Variants in PWP1 observed in about 807,000 individuals in gnomAD.
PWP1 encodes PWP1 homolog, endonuclein.
PWP1 carries 47 observed loss-of-function variants against 69.9 expected under a neutral mutation model. The observed-to-expected ratio is 0.67, with a 90% CI of 0.53 to 0.86. PWP1 has a LOEUF of 0.86. Among genes scored for constraint, PWP1 ranks in the 40% least tolerant of loss-of-function variants. PWP1 has a pLI of 0.00. For missense variants in PWP1, 551 were observed against 608.8 expected (o/e 0.91, Z 1.00); for synonymous variants, 222 against 208.2 (o/e 1.07, Z -0.57).
intron 7 of PWP1, among the ~76,000 whole-genome samples, chr12:107,698,106 A>C (rs565484188): frequency 1.3e-4 from 20 of 152,286 alleles, no homozygotes; most frequent in African/African-American, 4.8e-4. Flanking sequence ...TCACTCCTGT[A>C]ATCCCAGCAG....
At chr12:107,692,494 C>T (rs1346128514) in intron 3 of PWP1, among the ~76,000 whole-genome samples, 1 of 152,196 alleles carries the variant, frequency 6.6e-6, no homozygotes, top group Non-Finnish European at 1.5e-5. Flanking sequence ...GTATCACCTT[C>T]AATCATGAAT....
At position 107,712,426 on chromosome 12, in the gene PWP1, C is replaced by G; in HGVS notation, c.*206C>G. On this transcript the variant is annotated 3_prime_UTR_variant, in exon 15 of 15. Transcript: ENST00000412830. ...TGGATGGTTTGTAAGGCTCTTGTTG[C>G]ATTTCTTAAAAAAGAGTAATAAAAA... The G allele has an allele frequency of 2.4e-6, 1 of 422,668 alleles. No individual in the cohort carries two copies. Among genetic ancestry groups the G allele is most frequent in the Non-Finnish European group, 4.2e-6 (1 of 237,764 alleles). The allele number at this position is 422,668 out of a possible 1,614,324, so 26.2% of individuals were successfully genotyped here. A position where few individuals can be genotyped will look rare whatever the true frequency, so the allele number is the denominator to read the frequency against.
intron 14 of PWP1, 137 bp downstream of exon 14, chr12:107,710,647 T>G (rs1315280278): frequency 1.5e-6 from 2 of 1,362,658 alleles, no homozygotes; most frequent in Non-Finnish European, 1.9e-6. Flanking sequence ...CTCAGCCTTC[T>G]GTATAGCTGG....
At chr12:107,709,658 T>C (rs1889904853) in intron 13 of PWP1, among the ~76,000 whole-genome samples, 1 of 152,044 alleles carries the variant, frequency 6.6e-6, no homozygotes, top group Non-Finnish European at 1.5e-5. Flanking sequence ...TACTATATAG[T>C]AGGAAAAATT....
intron 11 of PWP1, among the ~76,000 whole-genome samples, chr12:107,706,545 A>AGT (rs1158978324): frequency 6.6e-6 from 1 of 152,188 alleles, no homozygotes; most frequent in Non-Finnish European, 1.5e-5. Context: ...ATTTAATTTA[A>AGT]GTCTTTAATC....
chr12:107,697,552 A>G lies in PWP1; in HGVS notation c.699A>G (p.Thr233=), dbSNP rs1889615453. ...DIVDSLEPVF[T]LGSKLSKKKK... Reference sequence around the variant, plus strand: ...TGGACTCTTTAGAGCCAGTCTTCACACTCGGAAGTAAACTTTCAAAAAAGA... The same window carrying G: ...TGGACTCTTTAGAGCCAGTCTTCACGCTCGGAAGTAAACTTTCAAAAAAGA... Residue 233 remains threonine, a synonymous_variant, in exon 7 of 15, where the codon ACA becomes ACG. Transcript: ENST00000412830. 1 of 1,608,762 alleles carries G rather than the reference A, an allele frequency of 6.2e-7. No homozygotes were observed. The highest frequency in any genetic ancestry group is 8.5e-7 in the Non-Finnish European group (1 of 1,178,256).
At chr12:107,707,857 TTC>T (rs1208227751) in intron 11 of PWP1, among the ~76,000 whole-genome samples, 1 of 152,198 alleles carries the variant, frequency 6.6e-6, no homozygotes, top group Admixed American at 6.5e-5. Context: ...TGGTCTAAAA[TTC>T]TGTTTTTTCG....
At chr12:107,686,080 T>C (rs1889357640) in intron 1 of PWP1, 109 bp downstream of exon 1, 2 of 1,217,762 alleles carry the variant, frequency 1.6e-6, no homozygotes, top group East Asian at 2.4e-5. Context: ...CTGGTGCGAC[T>C]GGCTGGGGTG....
At chr12:107,710,004 T>C (rs957517952) in intron 13 of PWP1, among the ~76,000 whole-genome samples, 27 of 152,214 alleles carry the variant, frequency 1.8e-4, no homozygotes, top group African/African-American at 6.3e-4. Flanking sequence ...TACCTATTAA[T>C]AAAAATGTAA....
In PWP1 at chr12:107,712,952, C is replaced by G. The variant is rs1210594014; in HGVS notation, c.*732C>G. 1 of 152,120 alleles carries G rather than the reference C, an allele frequency of 6.6e-6. No homozygotes were observed. The highest frequency in any genetic ancestry group is 6.5e-5 in the Admixed American group (1 of 15,272). The allele number at this position is 152,120 out of a possible 1,614,324, so 9.4% of individuals were successfully genotyped here. On this transcript the variant is annotated 3_prime_UTR_variant, in exon 15 of 15. Coordinates refer to ENST00000412830, the MANE Select transcript of PWP1 (RefSeq NM_007062.3). Reference sequence around the variant, plus strand: ...ATGAGTTTTAGTAGGCATTAAAAATCGTAATTAGTTTGATAATATGAGACC... The same window carrying G: ...ATGAGTTTTAGTAGGCATTAAAAATGGTAATTAGTTTGATAATATGAGACC...
At chr12:107,696,661 T>C in intron 6 of PWP1, 77 bp downstream of exon 6, 1 of 1,578,996 alleles carries the variant, frequency 6.3e-7, no homozygotes, top group Non-Finnish European at 8.6e-7. Context: ...TTATGTATTC[T>C]CTTGAATGTT....
intron 14 of PWP1, among the ~76,000 whole-genome samples, chr12:107,710,986 G>C (rs572079281): frequency 2.0e-5 from 3 of 152,268 alleles, no homozygotes; most frequent in Admixed American, 1.3e-4. Context: ...CACACACACA[G>C]AAATATAGAG....
chr12:107,708,674 C>A (rs1566083296), intron 11 of PWP1, among the ~76,000 whole-genome samples: 2 of 152,208 alleles, frequency 1.3e-5, no homozygotes, highest in Admixed American at 6.5e-5. Flanking sequence ...GGCCTCTTTT[C>A]TTCTACTGCT....
In PWP1 at chr12:107,710,412, T is replaced by C. The variant is rs1889925615; in HGVS notation, c.1298T>C (p.Leu433Pro). The C allele has an allele frequency of 1.9e-6, 3 of 1,613,638 alleles. No individual in the cohort carries two copies. In the African/African-American group the frequency reaches 4.0e-5, roughly 22 times the overall value. ...VHSRDMKMGV[L>P]FCSSCCPDLP... Reference sequence around the variant, plus strand: ...TTCCTGTTCTCTCTCTAGGGAGTTCTCTTCTGTTCTTCATGTTGCCCTGAT... The same window carrying C: ...TTCCTGTTCTCTCTCTAGGGAGTTCCCTTCTGTTCTTCATGTTGCCCTGAT... Residue 433 changes from leucine to proline, a missense_variant, in exon 14 of 15, where the codon CTC becomes CCC. Coordinates refer to ENST00000412830, the MANE Select transcript of PWP1 (RefSeq NM_007062.3).
chr12:107,704,874 G>A (rs1392572930), intron 11 of PWP1, 127 bp downstream of exon 11: 8 of 669,274 alleles, frequency 1.2e-5, no homozygotes, highest in East Asian at 2.9e-5. Flanking sequence ...GTTTAGGGTT[G>A]AAAGCATAAG....
At chr12:107,710,294 T>C (rs961690160) in intron 13 of PWP1, 111 bp from the exon 14 acceptor site, 2 of 1,474,832 alleles carry the variant, frequency 1.4e-6, no homozygotes, top group Middle Eastern at 2.3e-4. Context: ...GAATCATAAG[T>C]TGGTTTTGAA....
rs1889973418 is a variant in PWP1, at chr12:107,712,367, C to T, written c.*147C>T. 1.7e-6 allele frequency: 1 copy of T among 585,750 alleles called. No homozygotes were observed. The highest frequency in any genetic ancestry group is 3.0e-6 in the Non-Finnish European group (1 of 328,958). 36.3% of individuals were successfully genotyped at this position (585,750 alleles called of 1,614,324 possible). ...TTCCTTTCTGCAACTGCGGTGGCAC[C>T]ACAAATATCCGGTCTTTGTGCTTGC... is the stretch of plus-strand genomic sequence containing the variant. On this transcript the variant is annotated 3_prime_UTR_variant, in exon 15 of 15. Coordinates refer to ENST00000412830, the MANE Select transcript of PWP1 (RefSeq NM_007062.3).
intron 4 of PWP1, 23 bp from the exon 5 acceptor site, chr12:107,692,977 G>A: frequency 6.2e-7 from 1 of 1,613,468 alleles, no homozygotes; most frequent in East Asian, 2.2e-5. Context: ...TCTAGTCAAT[G>A]ACATTTTTTT....
chr12:107,707,924 T>G, intron 11 of PWP1, among the ~76,000 whole-genome samples: 1 of 152,248 alleles, frequency 6.6e-6, no homozygotes, highest in East Asian at 1.9e-4. Flanking sequence ...TAAAATGAGT[T>G]AGGGGGGAAA....
Sources: gnomAD v4.1 joint callset for allele counts (sites outside exome capture counted in the v4.1 genomes callset) on GRCh38, gnomAD v4.1.1 for gene constraint, MANE v1.5 for transcripts, NCBI Gene and HGNC (gene_info 2026-07-23, HGNC 2026-07-21) for gene names.